Variants in TIAM1 observed in about 807,000 individuals in gnomAD.
TIAM1 encodes the protein TIAM Rac1 associated GEF 1, also known as rho guanine nucleotide exchange factor TIAM1.
TIAM1 carries 65 observed loss-of-function variants against 163.5 expected under a neutral mutation model. The observed-to-expected ratio is 0.40, with a 90% CI of 0.33 to 0.49. The LOEUF is 0.49. Among genes scored for constraint, TIAM1 ranks in the 20% least tolerant of loss-of-function variants. The pLI is 0.77. For missense variants in TIAM1, 1,789 were observed against 2,044.7 expected (o/e 0.87, Z 2.41); for synonymous variants, 833 against 810.1 (o/e 1.03, Z -0.48).
chr21:31,473,429 CAAAAAAAAAAAAAA>C lies in TIAM1; in HGVS notation c.-421-9408_-421-9395del, dbSNP rs56691495. On this transcript the variant is annotated intron_variant, in intron 1 of 28. Coordinates refer to the TIAM1 transcript ENST00000286827. ...TGGGGGACAGATCAAGACTCCATCT[CAAAAAAAAAAAAAA>C]AAAAAAAAAAAAAAAAAAAAAAACA... Among the ~76,000 whole-genome samples the C allele has an allele frequency of 4.6e-4, 35 of 75,730 alleles. No homozygotes were observed. In the East Asian group the frequency reaches 0.023, roughly 51 times the overall value. 49.7% of individuals were successfully genotyped at this position (75,730 alleles called of 152,430 possible).
intron 1 of TIAM1, among the ~76,000 whole-genome samples, chr21:31,493,257 T>C (rs1293062284): frequency 4.6e-5 from 7 of 152,194 alleles, no homozygotes; most frequent in Admixed American, 2.0e-4. Flanking sequence ...GAATTTTACC[T>C]TCTAAGAATG....
intron 2 of TIAM1, among the ~76,000 whole-genome samples, chr21:31,362,324 G>GT (rs1342832855): frequency 6.6e-6 from 1 of 152,024 alleles, no homozygotes; most frequent in Non-Finnish European, 1.5e-5. Context: ...GCACTAGAAA[G>GT]TAAGTGAGAA....
chr21:31,407,922 G>A (rs2147232318), intron 2 of TIAM1, among the ~76,000 whole-genome samples: 1 of 152,272 alleles, frequency 6.6e-6, no homozygotes, highest in East Asian at 1.9e-4. Flanking sequence ...ACAGGCGTCA[G>A]CCACCGGGCC....
At chr21:31,394,744 A>G (rs1398188525) in intron 2 of TIAM1, among the ~76,000 whole-genome samples, 45 of 147,788 alleles carry the variant, frequency 3.0e-4, no homozygotes, top group Non-Finnish European at 1.5e-5. Context: ...ACACACACAC[A>G]CACACACACA....
chr21:31,394,928 C>T (rs1043847088), intron 2 of TIAM1, among the ~76,000 whole-genome samples: 3 of 152,064 alleles, frequency 2.0e-5, no homozygotes, highest in African/African-American at 7.2e-5. Context: ...CCATGAGCTA[C>T]AGGCATTATT....
intron 2 of TIAM1, among the ~76,000 whole-genome samples, chr21:31,443,636 C>A (rs1875016318): frequency 6.6e-6 from 1 of 152,150 alleles, no homozygotes; most frequent in Non-Finnish European, 1.5e-5. Context: ...CACCACCCAC[C>A]ACTGGAAGAA....
chr21:31,512,327 T>C (rs930065332), intron 1 of TIAM1, among the ~76,000 whole-genome samples: 1 of 152,076 alleles, frequency 6.6e-6, no homozygotes, highest in African/African-American at 2.4e-5. Context: ...CTCAAACTCC[T>C]GGGCTCAAGT....
At chr21:31,375,917 C>G (rs942329856) in intron 2 of TIAM1, among the ~76,000 whole-genome samples, 1 of 151,672 alleles carries the variant, frequency 6.6e-6, no homozygotes, top group African/African-American at 2.4e-5. Context: ...ATCCCAGCTA[C>G]TCGGGAGGCT....
chr21:31,495,611 T>C (rs1438246220), intron 1 of TIAM1, among the ~76,000 whole-genome samples: 2 of 152,210 alleles, frequency 1.3e-5, no homozygotes, highest in Admixed American at 6.5e-5. Flanking sequence ...CAGCAATACA[T>C]TCATGCACTG....
At chr21:31,505,797 G>T (rs965699877) in intron 1 of TIAM1, among the ~76,000 whole-genome samples, 2 of 152,012 alleles carry the variant, frequency 1.3e-5, no homozygotes, top group African/African-American at 4.8e-5. Context: ...CTGAGGTCGG[G>T]AGTTCGAGAC....
intron 2 of TIAM1, among the ~76,000 whole-genome samples, chr21:31,323,287 C>CA (rs761901697): frequency 1.4e-3 from 135 of 99,430 alleles, no homozygotes; most frequent in East Asian, 2.0e-3. Context: ...GACTTTGATT[C>CA]AAAAAAAAAA....
chr21:31,309,669 C>T (rs1297721618), intron 2 of TIAM1, among the ~76,000 whole-genome samples: 2 of 152,030 alleles, frequency 1.3e-5, no homozygotes, highest in Non-Finnish European at 2.9e-5. Flanking sequence ...GAAGATGTGG[C>T]CTACAAGCCC....
At chr21:31,279,397 T>C (rs746230108) in intron 2 of TIAM1, among the ~76,000 whole-genome samples, 3 of 152,218 alleles carry the variant, frequency 2.0e-5, no homozygotes, top group East Asian at 1.9e-4. Context: ...GCCTTGTGAA[T>C]GGATGCCACC....
At chr21:31,383,889 T>C (rs1256298960) in intron 2 of TIAM1, among the ~76,000 whole-genome samples, 2 of 152,134 alleles carry the variant, frequency 1.3e-5, no homozygotes, top group African/African-American at 2.4e-5. Flanking sequence ...TGAAACGATG[T>C]TTCCAAGGTT....
intron 1 of TIAM1, among the ~76,000 whole-genome samples, chr21:31,522,839 CA>C (rs1381307487): frequency 6.6e-6 from 1 of 152,188 alleles, no homozygotes; most frequent in Non-Finnish European, 1.5e-5. Context: ...ATTAAAACAA[CA>C]TTTTTTTCTC....
intron 1 of TIAM1, among the ~76,000 whole-genome samples, chr21:31,547,420 C>T (rs2048535139): frequency 6.6e-6 from 1 of 152,108 alleles, no homozygotes; most frequent in Non-Finnish European, 1.5e-5. Flanking sequence ...GGTGAGGTTT[C>T]ACAGGGCCAA....
chr21:31,530,210 C>A (rs891183777), intron 1 of TIAM1, among the ~76,000 whole-genome samples: 4 of 152,214 alleles, frequency 2.6e-5, no homozygotes, highest in Non-Finnish European at 4.4e-5. Flanking sequence ...AAGATGACCT[C>A]CACATATTTC....
chr21:31,179,403 A>G (rs1439208164), intron 15 of TIAM1, among the ~76,000 whole-genome samples: 1 of 152,082 alleles, frequency 6.6e-6, no homozygotes, highest in Non-Finnish European at 1.5e-5. Context: ...AAAAAGATAA[A>G]GCAATGAAAA....
In TIAM1 at chr21:31,186,600, C is replaced by A. The variant is rs554937416; in HGVS notation, c.2662+401G>T. 8.5e-5 allele frequency among the ~76,000 whole-genome samples: 13 copies of A among 152,074 alleles called. No homozygotes were observed. In the South Asian group the frequency reaches 2.7e-3, roughly 32 times the overall value. On this transcript the variant is annotated intron_variant, in intron 14 of 27. Coordinates refer to ENST00000541036, the MANE Select transcript of TIAM1 (RefSeq NM_001353694.2). ...CAGCCGGGGCAACACAGCAAGACCC[C>A]TGACTCTGAAAAATAAATAAGTAAA...
Sources: allele counts gnomAD v4.1 joint callset (sites outside exome capture counted in the v4.1 genomes callset), GRCh38; gene constraint gnomAD v4.1.1; transcripts MANE v1.5; gene names NCBI Gene and HGNC (gene_info 2026-07-23, HGNC 2026-07-21).